RANBP17: variants seen among roughly 807,000 people sequenced by gnomAD.
RANBP17 encodes ran-binding protein 17.
A neutral mutation model predicts 141.2 loss-of-function variants in RANBP17; 158 were observed. That is an observed-to-expected ratio of 1.12 (90% CI 0.98 to 1.28). RANBP17 has a LOEUF of 1.28. Among genes scored for constraint, RANBP17 ranks in the 50% most tolerant of loss-of-function variants. RANBP17 has a pLI of 0.00. For synonymous variants in RANBP17, 430 were observed against 450.0 expected, an observed-to-expected ratio of 0.96 and a Z score of 0.56; for missense variants, 1,438 against 1,290.7, an observed-to-expected ratio of 1.11 and a Z score of -1.75.
chr5:171,245,755 TC>T (rs533616032), intron 24 of RANBP17, among the ~76,000 whole-genome samples: 40 of 152,298 alleles, frequency 2.6e-4, no homozygotes, highest in African/African-American at 8.7e-4. Flanking sequence ...CTTATGACAT[TC>T]CAGTGCTCCA....
intron 6 of RANBP17, 26 bp from the exon 7 acceptor site, chr5:170,910,943 T>A: frequency 6.2e-7 from 1 of 1,603,098 alleles, no homozygotes. Context: ...TTCGCAGTGT[T>A]TTCTTTGATT....
chr5:171,046,996 A>G (rs892795778), intron 14 of RANBP17, among the ~76,000 whole-genome samples: 3 of 132,204 alleles, frequency 2.3e-5, no homozygotes, highest in East Asian at 2.2e-4. Context: ...AGGGCATCTC[A>G]TTGTAGTTTT....
At chr5:170,904,018 T>G in intron 5 of RANBP17, 1 of 477,974 alleles carries the variant, frequency 2.1e-6, no homozygotes, top group South Asian at 1.8e-5. Context: ...TCAAATGCCT[T>G]TAGTAAAGAT....
intron 14 of RANBP17, among the ~76,000 whole-genome samples, chr5:171,080,185 T>G (rs1051708138): frequency 1.3e-5 from 2 of 151,872 alleles, no homozygotes; most frequent in Admixed American, 6.6e-5. Flanking sequence ...TAGAACCAAA[T>G]GATTGCTAAT....
At chr5:170,873,987 A>G (rs1421532803) in intron 1 of RANBP17, among the ~76,000 whole-genome samples, 1 of 152,216 alleles carries the variant, frequency 6.6e-6, no homozygotes, top group African/African-American at 2.4e-5. Context: ...ATTTAGTGCT[A>G]TAAATTTCCC....
At chr5:171,289,392 A>G (rs1282277626) in intron 25 of RANBP17, among the ~76,000 whole-genome samples, 1 of 152,214 alleles carries the variant, frequency 6.6e-6, no homozygotes, top group Admixed American at 6.5e-5. Flanking sequence ...TAAAGCATCC[A>G]ACACAAACCA....
chr5:171,087,854 G>GT (rs1460006563), intron 14 of RANBP17, among the ~76,000 whole-genome samples: 1 of 151,668 alleles, frequency 6.6e-6, no homozygotes, highest in Non-Finnish European at 1.5e-5. Flanking sequence ...GAGCCTATGT[G>GT]TGTCTCTGCA....
At chr5:170,956,845 G>A (rs889216901) in intron 13 of RANBP17, among the ~76,000 whole-genome samples, 5 of 151,758 alleles carry the variant, frequency 3.3e-5, no homozygotes, top group Admixed American at 1.3e-4. Flanking sequence ...GCCAAGGTGG[G>A]CGGATCACGA....
chr5:171,246,240 A>C (rs1378698002), intron 24 of RANBP17, among the ~76,000 whole-genome samples: 2 of 152,128 alleles, frequency 1.3e-5, no homozygotes, highest in African/African-American at 4.8e-5. Flanking sequence ...TCCCTTGGAG[A>C]GCTGTAGAAC....
chr5:171,213,719 G>A lies in RANBP17; in HGVS notation c.2320G>A (p.Ala774Thr), dbSNP rs769489047. 5 of 1,612,968 alleles carry A rather than the reference G, an allele frequency of 3.1e-6. No homozygotes were observed. The highest frequency in any genetic ancestry group is 3.3e-5 in the Admixed American group (2 of 59,994). ...TACAACTCCCATCTTGAAACTTATG[G>A]CAGAACTTATGCAAAACAGGTAAGC... ...TCTTPILKLM[A>T]ELMQNRSQRL... The change falls in exon 21 of 28, where the codon GCA (alanine) becomes ACA (threonine). Residue 774 changes from alanine to threonine, a missense_variant. By Grantham distance (58) the Ala-to-Thr change is moderately conservative. Coordinates refer to ENST00000523189, the MANE Select transcript of RANBP17 (RefSeq NM_022897.5).
chr5:170,908,403 T>A (rs1771247334), intron 5 of RANBP17, among the ~76,000 whole-genome samples: 1 of 151,612 alleles, frequency 6.6e-6, no homozygotes, highest in Non-Finnish European at 1.5e-5. Flanking sequence ...TGAAGCAAAT[T>A]AATGCAGGAG....
rs371064659 is a variant in RANBP17, at chr5:171,219,334, C to T, written c.2340-2424C>T. 1.8e-4 allele frequency among the ~76,000 whole-genome samples: 27 copies of T among 152,230 alleles called. 1 individual carries two copies. The South Asian group carries it at 2.3e-3, about 13-fold the overall frequency. On this transcript the variant is annotated intron_variant, in intron 21 of 27. Coordinates refer to ENST00000523189, the MANE Select transcript of RANBP17 (RefSeq NM_022897.5). ...TGGCTGCCCTTAACATTTTTTCCTT[C>T]GTTTCAACCTTGGAGAATCTGACGA...
chr5:171,100,883 G>A (rs1787107766), intron 14 of RANBP17, among the ~76,000 whole-genome samples: 1 of 152,164 alleles, frequency 6.6e-6, no homozygotes, highest in Non-Finnish European at 1.5e-5. Context: ...GGAGCAGGTT[G>A]TTCAGTTTCC....
intron 12 of RANBP17, among the ~76,000 whole-genome samples, chr5:170,948,380 C>T (rs1009594501): frequency 2.0e-5 from 3 of 151,822 alleles, no homozygotes; most frequent in Admixed American, 6.6e-5. Flanking sequence ...TTGCAGGATA[C>T]GGGATCAATA....
intron 14 of RANBP17, among the ~76,000 whole-genome samples, chr5:170,984,397 G>A (rs559807004): frequency 1.3e-5 from 2 of 152,200 alleles, no homozygotes; most frequent in South Asian, 4.1e-4. Context: ...GAGATAAGGC[G>A]GGAGGATCAC....
chr5:171,243,454 A>C (rs1288380101), intron 24 of RANBP17, among the ~76,000 whole-genome samples: 1 of 152,144 alleles, frequency 6.6e-6, no homozygotes, highest in Non-Finnish European at 1.5e-5. Flanking sequence ...TCATTATTTG[A>C]CTATTTTGAA....
chr5:170,885,015 A>G (rs1211182076), intron 3 of RANBP17, among the ~76,000 whole-genome samples: 2 of 152,192 alleles, frequency 1.3e-5, no homozygotes, highest in East Asian at 3.9e-4. Flanking sequence ...TTTTTTTTCA[A>G]GTGAGTAATG....
At chr5:171,181,514 A>C (rs1760861201) in intron 16 of RANBP17, among the ~76,000 whole-genome samples, 1 of 152,090 alleles carries the variant, frequency 6.6e-6, no homozygotes, top group South Asian at 2.1e-4. Flanking sequence ...GCAATAGGGA[A>C]AATCCATGGA....
intron 14 of RANBP17, among the ~76,000 whole-genome samples, chr5:171,035,886 G>A (rs1339459414): frequency 1.3e-5 from 2 of 151,516 alleles, no homozygotes; most frequent in Non-Finnish European, 2.9e-5. Context: ...TACCCAGTAG[G>A]TTTTCTTTTC....
Sources: allele counts gnomAD v4.1 joint callset (sites outside exome capture counted in the v4.1 genomes callset), GRCh38; gene constraint gnomAD v4.1.1; transcripts MANE v1.5; gene names NCBI Gene and HGNC (gene_info 2026-07-23, HGNC 2026-07-21).